Variants in AHNAK observed in about 807,000 individuals in gnomAD.
AHNAK encodes the protein neuroblast differentiation-associated protein AHNAK.
Under a neutral mutation model 37.8 loss-of-function variants are expected in AHNAK, and 23 were observed. The ratio of observed to expected loss-of-function variants is 0.61; its 90% CI spans 0.44 to 0.86. The LOEUF (loss-of-function observed/expected upper bound fraction) is 0.86, where lower values mean the gene tolerates loss of function less well. Among genes scored for constraint, AHNAK ranks in the 40% least tolerant of loss-of-function variants. The pLI, the probability that AHNAK is intolerant of heterozygous loss-of-function variation, is 0.00. For missense variants in AHNAK, 7,411 were observed against 7,319.4 expected (o/e 1.01, Z -0.46); for synonymous variants, 2,481 against 2,636.3 (o/e 0.94, Z 1.80).
chr11:62,457,828 G>T (rs1938694386), intron 5 of AHNAK, among the ~76,000 whole-genome samples: 1 of 152,038 alleles, frequency 6.6e-6, no homozygotes, highest in Non-Finnish European at 1.5e-5. Flanking sequence ...CCTACTGGTG[G>T]TACTATGCTC....
chr11:62,539,167 A>C (rs996426513), intron 1 of AHNAK, among the ~76,000 whole-genome samples: 6 of 152,200 alleles, frequency 3.9e-5, no homozygotes, highest in Non-Finnish European at 7.3e-5. Context: ...GAAACAGCAA[A>C]GCTGGGGCTT....
intron 5 of AHNAK, among the ~76,000 whole-genome samples, chr11:62,471,741 C>T (rs1390733214): frequency 6.6e-6 from 1 of 152,170 alleles, no homozygotes; most frequent in African/African-American, 2.4e-5. Context: ...GCAGGTGAAG[C>T]CGGACATGCC....
intron 5 of AHNAK, among the ~76,000 whole-genome samples, chr11:62,436,376 A>C (rs1938172109): frequency 6.6e-6 from 1 of 152,256 alleles, no homozygotes; most frequent in African/African-American, 2.4e-5. Context: ...CAACATCCCA[A>C]GCCAAGTGGC....
rs1474408212 is a variant in AHNAK, at chr11:62,525,374, C to T, written c.9043G>A (p.Gly3015Ser). The change falls in exon 5 of 5, where the codon GGC (glycine) becomes AGC (serine). Residue 3015 changes from glycine to serine, a missense_variant. Gly to Ser is a moderately conservative substitution (Grantham distance 56). Coordinates refer to ENST00000378024, the MANE Select transcript of AHNAK (RefSeq NM_001620.3). Reference protein sequence around the residue: ...DIDVPDVGVQGPDWHLKMPKV... With the variant: ...DIDVPDVGVQSPDWHLKMPKV... ...GGCATTTTTAGGTGCCAGTCTGGGC[C>T]TTGAACGCCCACATCCGGGACATCA... The T allele has an allele frequency of 6.2e-7, 1 of 1,613,222 alleles. No homozygotes were observed. The highest frequency in any genetic ancestry group is 8.5e-7 in the Non-Finnish European group (1 of 1,179,820).
intron 5 of AHNAK, among the ~76,000 whole-genome samples, chr11:62,454,949 G>A (rs1446355265): frequency 1.4e-5 from 2 of 139,140 alleles, no homozygotes; most frequent in East Asian, 2.1e-4. Context: ...TTTTTTTTGA[G>A]ATGGAGTTTT....
Position 62,522,936 on chromosome 11 carries a change from G to A in AHNAK, c.11481C>T (p.Asn3827=). Residue 3827 remains asparagine, a synonymous_variant, in exon 5 of 5, where the codon AAC becomes AAT. Transcript: ENST00000378024. ...FKGEGPDVDV[N]LPKADLDVSG... Reference sequence around the variant, plus strand: ...AGACATCAAGGTCAGCCTTGGGCAGGTTCACATCCACATCTGGGCCCTCTC... The same window carrying A: ...AGACATCAAGGTCAGCCTTGGGCAGATTCACATCCACATCTGGGCCCTCTC... 2 of 1,612,636 alleles carry A rather than the reference G, an allele frequency of 1.2e-6. No homozygotes were observed. Among genetic ancestry groups the A allele is most frequent in the Non-Finnish European group, 1.7e-6 (2 of 1,179,716 alleles).
chr11:62,464,141 C>T (rs1456273784), intron 5 of AHNAK, among the ~76,000 whole-genome samples: 1 of 151,756 alleles, frequency 6.6e-6, no homozygotes. Flanking sequence ...GATCCTCTCT[C>T]CTCAGCCTCC....
At chr11:62,513,185 C>G (rs192403860), downstream of AHNAK, among the ~76,000 whole-genome samples, 3 of 152,310 alleles carry the variant, frequency 2.0e-5, no homozygotes, top group Admixed American at 2.0e-4. Context: ...CTCTCACCCT[C>G]GAGTGCAGGA....
chr11:62,444,789 A>G lies in AHNAK; in HGVS notation c.443-10898T>C, dbSNP rs556280835. Among the ~76,000 whole-genome samples the G allele has an allele frequency of 2.6e-5, 4 of 152,372 alleles. No individual in the cohort carries two copies. In the South Asian group the frequency reaches 8.3e-4, roughly 32 times the overall value. ...CACAAGGGCAGTGACCCTGTGCCAG[A>G]CACTTTCCTAAACAGGCATAAGCTC... On this transcript the variant is annotated intron_variant, in intron 5 of 5. Transcript: ENST00000257247.
At chr11:62,507,374 A>C (rs1006065581) in intron 4 of AHNAK, among the ~76,000 whole-genome samples, 1 of 152,258 alleles carries the variant, frequency 6.6e-6, no homozygotes, top group Non-Finnish European at 1.5e-5. Context: ...TGCCTCACAC[A>C]AACTAAGAGT....
At position 62,520,046 on chromosome 11, in the gene AHNAK, G is replaced by T. The variant is rs141139317; in HGVS notation, c.14371C>A (p.Pro4791Thr). 10 of 1,613,516 alleles carry T rather than the reference G, an allele frequency of 6.2e-6. No individual in the cohort carries two copies. The highest frequency in any genetic ancestry group is 2.2e-5 in the East Asian group (1 of 44,838). The change falls in exon 5 of 5, where the codon CCT becomes ACT. Residue 4791 changes from proline (P) to threonine (T), a missense_variant. Pro to Thr is a conservative substitution (Grantham distance 38). Coordinates refer to ENST00000378024, the MANE Select transcript of AHNAK (RefSeq NM_001620.3). ...PKVKMPKFSM[P>T]GFKGEGPDVD... is the part of the protein sequence containing the mutation. ...TCTGGACCTTCTCCTTTGAAGCCAG[G>T]CATGCTGAATTTGGGCATTTTCACC...
chr11:62,479,894 T>G (rs1040049670), intron 5 of AHNAK, among the ~76,000 whole-genome samples: 2 of 152,222 alleles, frequency 1.3e-5, no homozygotes, highest in Non-Finnish European at 2.9e-5. Flanking sequence ...ATATCTTGAC[T>G]GTTTTTCACT....
In AHNAK at chr11:62,519,947, T is replaced by G; in HGVS notation, c.14470A>C (p.Asn4824His). ...AGTTTTGCGTCTGGACCTTCGATAT[T>G]CACATCTGGAATATCAACGTCCACC... is the stretch of plus-strand genomic sequence containing the variant. The part of the protein sequence containing the change: ...PKVDVDIPDV[N>H]IEGPDAKLKG... Residue 4824 changes from asparagine to histidine, a missense_variant, in exon 5 of 5, where the codon AAT (asparagine) becomes CAT (histidine). Coordinates refer to ENST00000378024, the MANE Select transcript of AHNAK (RefSeq NM_001620.3). The G allele has an allele frequency of 6.2e-7, 1 of 1,613,212 alleles. No homozygotes were observed. Among genetic ancestry groups the G allele is most frequent in the Non-Finnish European group, 8.5e-7 (1 of 1,179,768 alleles).
chr11:62,452,558 C>T (rs113543117), intron 5 of AHNAK, among the ~76,000 whole-genome samples: 3 of 152,168 alleles, frequency 2.0e-5, no homozygotes, highest in African/African-American at 4.8e-5. Context: ...CACCCAGGGA[C>T]GGCCTCATTC....
intron 5 of AHNAK, among the ~76,000 whole-genome samples, chr11:62,436,281 T>C (rs890867340): frequency 6.6e-6 from 1 of 152,134 alleles, no homozygotes; most frequent in African/African-American, 2.4e-5. Context: ...AAGTTCTCTT[T>C]AAAGAATGGT....
chr11:62,505,840 A>G (rs905851483), intron 4 of AHNAK, among the ~76,000 whole-genome samples: 2 of 147,722 alleles, frequency 1.4e-5, no homozygotes, highest in African/African-American at 5.0e-5. Flanking sequence ...TTCCCCCCTT[A>G]GTTTTCTGCT....
chr11:62,518,674 A>G lies in AHNAK; in HGVS notation c.15743T>C (p.Met5248Thr), dbSNP rs1450704368. The G allele has an allele frequency of 6.2e-7, 1 of 1,613,910 alleles. No individual in the cohort carries two copies. Among genetic ancestry groups the G allele is most frequent in the Non-Finnish European group, 8.5e-7 (1 of 1,180,000 alleles). The change falls in exon 5 of 5, where the codon ATG becomes ACG. Residue 5248 changes from methionine (M) to threonine (T), a missense_variant. Met to Thr is a moderately conservative substitution (Grantham distance 81, BLOSUM62 -1). Coordinates refer to ENST00000378024, the MANE Select transcript of AHNAK (RefSeq NM_001620.3). ...MPKIGIPGVK[M>T]EGGGAEVHAQ... is the part of the protein sequence containing the mutation. ...ATGGACCTCGGCTCCCCCACCCTCC[A>G]TTTTCACACCTGGGATGCCGATCTT...
At chr11:62,486,538 G>A (rs1372478580) in intron 5 of AHNAK, among the ~76,000 whole-genome samples, 1 of 53,186 alleles carries the variant, frequency 1.9e-5, no homozygotes, top group Admixed American at 1.9e-4. Context: ...AAGGAAGGAA[G>A]GAAGGGAGGG....
Position 62,520,076 on chromosome 11 carries a change from G to A in AHNAK, c.14341C>T (p.Pro4781Ser), listed in dbSNP as rs150333342. The A allele has an allele frequency of 1.2e-6, 2 of 1,612,418 alleles. No homozygotes were observed. The highest frequency in any genetic ancestry group is 1.3e-5 in the African/African-American group (1 of 74,292). ...VHGPDWHLKM[P>S]KVKMPKFSMP... ...CTGAATTTGGGCATTTTCACCTTGG[G>A]CATCTTCAGGTGCCAGTCTGGGCCA... Residue 4781 changes from proline (P) to serine (S), a missense_variant, in exon 5 of 5, where the codon CCC becomes TCC. By Grantham distance (74) the Pro-to-Ser change is moderately conservative. Coordinates refer to ENST00000378024, the MANE Select transcript of AHNAK (RefSeq NM_001620.3).
Sources: gnomAD v4.1 joint callset for allele counts (sites outside exome capture counted in the v4.1 genomes callset) on GRCh38, gnomAD v4.1.1 for gene constraint, MANE v1.5 for transcripts, NCBI Gene and HGNC (gene_info 2026-07-23, HGNC 2026-07-21) for gene names.